GGACT: variants seen among roughly 807,000 people sequenced by gnomAD.
GGACT encodes the protein gamma-glutamylamine cyclotransferase.
For missense variants in GGACT, 241 were observed against 233.2 expected, an observed-to-expected ratio of 1.03 and a Z score of -0.22; for synonymous variants, 118 against 115.3, an observed-to-expected ratio of 1.02 and a Z score of -0.15.
intron 2 of GGACT, among the ~76,000 whole-genome samples, chr13:100,561,317 G>C (rs1467322773): frequency 6.6e-6 from 1 of 152,198 alleles, no homozygotes; most frequent in African/African-American, 2.4e-5. Context: ...TAATGGTGGT[G>C]AACTGTATGG....
chr13:100,556,693 G>A lies in GGACT; in HGVS notation c.-10-24092C>T, dbSNP rs981930759. On this transcript the variant is annotated intron_variant, in intron 2 of 2. Coordinates refer to ENST00000683975, the MANE Select transcript of GGACT (RefSeq NM_001195087.2). ...TTTATAACTCAAAGGATAAATGCTT[G>A]AGGGCATGGATAACCCATTCTCCAT... Among the ~76,000 whole-genome samples, 3 of 152,020 alleles carry A rather than the reference G, an allele frequency of 2.0e-5. No homozygotes were observed. In the East Asian group the frequency reaches 5.8e-4, roughly 29 times the overall value.
At chr13:100,541,373 G>A (rs556031883) in intron 2 of GGACT, among the ~76,000 whole-genome samples, 1 of 152,292 alleles carries the variant, frequency 6.6e-6, no homozygotes, top group African/African-American at 2.4e-5. Flanking sequence ...TTGGGCAAGT[G>A]ATTTCAAGTT....
intron 2 of GGACT, among the ~76,000 whole-genome samples, chr13:100,552,972 G>A (rs955860154): frequency 1.2e-4 from 18 of 151,994 alleles, no homozygotes; most frequent in Non-Finnish European, 2.5e-4. Flanking sequence ...GAGCAGGCAG[G>A]CCAGGTGGCG....
At chr13:100,566,331 C>T (rs574907089) in intron 2 of GGACT, among the ~76,000 whole-genome samples, 9 of 152,320 alleles carry the variant, frequency 5.9e-5, no homozygotes, top group South Asian at 4.2e-4. Flanking sequence ...GGCCAGTTGC[C>T]GCTCAGCCAT....
chr13:100,580,148 C>G (rs1318643572), intron 2 of GGACT: 1 of 152,234 alleles, frequency 6.6e-6, no homozygotes, highest in Non-Finnish European at 1.5e-5. Context: ...TCTGATCCTG[C>G]GACTGCTGCT....
At position 100,532,240 on chromosome 13, in the gene GGACT, C is replaced by G; in HGVS notation, c.352G>C (p.Val118Leu). ...GGCGGGAAGGTGGCCCTGCTGTACA[C>G]GAAGCACTGCACCGCGGTGGGCGCT... is the stretch of plus-strand genomic sequence containing the variant. ...PPAPTAVQCF[V>L]YSRATFPPEW... Residue 118 changes from valine to leucine, a missense_variant, in exon 3 of 3, where the codon GTG becomes CTG. Val to Leu is a conservative substitution (Grantham distance 32). Coordinates refer to ENST00000683975, the MANE Select transcript of GGACT (RefSeq NM_001195087.2). The G allele has an allele frequency of 2.0e-6, 3 of 1,507,738 alleles. No homozygotes were observed. The highest frequency in any genetic ancestry group is 2.7e-6 in the Non-Finnish European group (3 of 1,121,770). The allele number at this position is 1,507,738 out of a possible 1,614,324, so 93.4% of individuals were successfully genotyped here.
At chr13:100,546,361 CAAAAAAAAAA>C (rs778470021) in intron 2 of GGACT, among the ~76,000 whole-genome samples, 1 of 54,624 alleles carries the variant, frequency 1.8e-5, no homozygotes, top group Non-Finnish European at 3.6e-5. Context: ...GACTCTGTCT[CAAAAAAAAAA>C]AAAAAAAAAA....
In GGACT at chr13:100,534,925, G is replaced by A. The variant is rs549546294; in HGVS notation, c.-10-2324C>T. Among the ~76,000 whole-genome samples the A allele has an allele frequency of 1.3e-5, 2 of 152,366 alleles. No homozygotes were observed. Among genetic ancestry groups the A allele is most frequent in the South Asian group, 2.1e-4 (1 of 4,830 alleles). ...CCGACCAGCGCCTGACCTGGAGGGT[G>A]CAGGAGTAGTAGGCAGGGCCTACTC... On this transcript the variant is annotated intron_variant, in intron 2 of 2. Transcript: ENST00000683975. This position sits in a 1 kb window ranked among gnomAD's most constrained non-coding sequence, Gnocchi z 4.9.
At chr13:100,581,273 C>G (rs1049650696) in intron 2 of GGACT, among the ~76,000 whole-genome samples, 2 of 152,138 alleles carry the variant, frequency 1.3e-5, no homozygotes, top group African/African-American at 2.4e-5. Context: ...GACCAGGGTT[C>G]CCCAGAGAAA....
In GGACT at chr13:100,534,504, A is replaced by G. The variant is rs566706699; in HGVS notation, c.-10-1903T>C. Among the ~76,000 whole-genome samples the G allele has an allele frequency of 3.5e-3, 530 of 152,274 alleles. 1 individual carries two copies. Among genetic ancestry groups the G allele is most frequent in the African/African-American group, 0.012 (508 of 41,540 alleles). Reference sequence around the variant, plus strand: ...GTACGTGAAAATGACAAAAGGCACCAGCTGAGAGCAGCGCTGGTGTCTGGA... The same window carrying G: ...GTACGTGAAAATGACAAAAGGCACCGGCTGAGAGCAGCGCTGGTGTCTGGA... On this transcript the variant is annotated intron_variant, in intron 2 of 2. Transcript: ENST00000683975. The surrounding 1 kb of genome is among the most constrained non-coding windows in gnomAD (Gnocchi z 4.9).
chr13:100,588,104 G>T (rs952688724), intron 1 of GGACT, among the ~76,000 whole-genome samples: 1 of 152,204 alleles, frequency 6.6e-6, no homozygotes, highest in Non-Finnish European at 1.5e-5. Context: ...GAGTTAAGAA[G>T]CTGTGTTCAA....
At chr13:100,582,975 C>T (rs1334093406) in intron 2 of GGACT, among the ~76,000 whole-genome samples, 1 of 152,156 alleles carries the variant, frequency 6.6e-6, no homozygotes, top group Non-Finnish European at 1.5e-5. Flanking sequence ...AAAGATATAA[C>T]TTCCCCCTGC....
At chr13:100,566,775 G>A (rs1016995020) in intron 2 of GGACT, among the ~76,000 whole-genome samples, 1 of 152,240 alleles carries the variant, frequency 6.6e-6, no homozygotes, top group African/African-American at 2.4e-5. Flanking sequence ...TACAACCTGT[G>A]ACATCAGGGC....
chr13:100,535,342 C>T (rs1053494721), intron 2 of GGACT, among the ~76,000 whole-genome samples: 3 of 152,250 alleles, frequency 2.0e-5, no homozygotes, highest in African/African-American at 7.2e-5. Flanking sequence ...TTGTTACTTA[C>T]GCTGCTACTT....
At chr13:100,555,112 T>C (rs1029507803) in intron 2 of GGACT, among the ~76,000 whole-genome samples, 12 of 152,302 alleles carry the variant, frequency 7.9e-5, no homozygotes, top group Non-Finnish European at 1.6e-4. Context: ...GAAGAAATAA[T>C]ACCAATGTTT....
intron 2 of GGACT, among the ~76,000 whole-genome samples, chr13:100,552,541 A>G (rs1236627506): frequency 1.3e-5 from 2 of 152,332 alleles, no homozygotes; most frequent in East Asian, 3.9e-4. Flanking sequence ...CTTGTTATCA[A>G]TCCCCACCTA....
chr13:100,584,060 G>T (rs1415644105), intron 1 of GGACT, 63 bp from the exon 2 acceptor site: 1 of 152,118 alleles, frequency 6.6e-6, no homozygotes, highest in East Asian at 1.9e-4. Context: ...GCAATAAGGG[G>T]CTTACAAACA....
intron 1 of GGACT, among the ~76,000 whole-genome samples, chr13:100,584,334 G>A (rs1875501781): frequency 6.6e-6 from 1 of 152,164 alleles, no homozygotes; most frequent in African/African-American, 2.4e-5. Context: ...ACAATATGGT[G>A]CAGCCGGAGG....
chr13:100,543,887 C>T (rs2088579106), intron 2 of GGACT, among the ~76,000 whole-genome samples: 1 of 152,198 alleles, frequency 6.6e-6, no homozygotes, highest in South Asian at 2.1e-4. Flanking sequence ...TTCAATACCT[C>T]GTGTCAAAAT....
Sources: allele counts gnomAD v4.1 joint callset (sites outside exome capture counted in the v4.1 genomes callset), GRCh38; gene constraint gnomAD v4.1.1; non-coding constraint Gnocchi (gnomAD v3.1); transcripts MANE v1.5; gene names NCBI Gene and HGNC (gene_info 2026-07-23, HGNC 2026-07-21).